The following PDCD11 variants were observed in gnomAD, a reference collection of about 807,000 sequenced individuals.
The protein encoded by PDCD11 is programmed cell death 11, also known as protein RRP5 homolog.
PDCD11 carries 97 observed loss-of-function variants against 198.9 expected under a neutral mutation model. The ratio of observed to expected loss-of-function variants is 0.49; its 90% confidence interval spans 0.41 to 0.58. The LOEUF is 0.58. Ranked by LOEUF, PDCD11 falls within the 20% of genes least tolerant of loss-of-function variation. The pLI, the probability that PDCD11 is intolerant of heterozygous loss-of-function variation, is 0.00. For missense variants in PDCD11, 2,102 were observed against 2,312.7 expected, an observed-to-expected ratio of 0.91 and a Z score of 1.87; for synonymous variants, 893 against 918.0, an observed-to-expected ratio of 0.97 and a Z score of 0.49.
In PDCD11 at chr10:103,413,235, A is replaced by G; in HGVS notation, c.1098A>G (p.Ala366=). 1.2e-6 allele frequency: 2 copies of G among 1,614,142 alleles called. No individual in the cohort carries two copies. The highest frequency in any genetic ancestry group is 1.1e-5 in the South Asian group (1 of 91,088). ...GACTCTCTTGCCAGAACCTTGGAGC[A>G]GTGCTGGATGATGTTCCTGTCCAGG... ...LTRLSCQNLG[A]VLDDVPVQGF... The change falls in exon 9 of 36, where the codon GCA becomes GCG. Residue 366 remains alanine (A), a synonymous_variant. Transcript: ENST00000369797.
chr10:103,440,582 G>T lies in PDCD11; in HGVS notation c.4440+1G>T, dbSNP rs1221044704. On this transcript the variant is annotated splice_donor_variant, in intron 29 of 35. Coordinates refer to ENST00000369797, the MANE Select transcript of PDCD11 (RefSeq NM_014976.2). LOFTEE classifies it high-confidence loss of function. ...GTGCCGGGAGTCTGGGAGTGAGCAG[G>T]TGAGGTCCTGCGGAGGGCTGTGGCT... The T allele has an allele frequency of 1.9e-6, 3 of 1,610,334 alleles. No homozygotes were observed. Among genetic ancestry groups the T allele is most frequent in the African/African-American group, 1.3e-5 (1 of 74,822 alleles).
chr10:103,445,621 G>GA lies in PDCD11; in HGVS notation c.*72_*73insA. 9 of 1,323,820 alleles carry GA rather than the reference G, an allele frequency of 6.8e-6. No homozygotes were observed. Among genetic ancestry groups the GA allele is most frequent in the Non-Finnish European group, 8.5e-6 (8 of 943,200 alleles). 82.0% of individuals were successfully genotyped at this position (1,323,820 alleles called of 1,614,324 possible). A position where few individuals can be genotyped will look rare whatever the true frequency, so the allele number is the denominator to read the frequency against. On this transcript the variant is annotated 3_prime_UTR_variant, in exon 36 of 36. Coordinates refer to ENST00000369797, the MANE Select transcript of PDCD11 (RefSeq NM_014976.2). ...CCCCGCCTCGAGTGCCTGGGCACTC[G>GA]GAAAACTGTTACCTCAGGACTCTAT...
Position 103,443,794 on chromosome 10 carries a change from C to T in PDCD11, c.5125-121C>T. ...CTCCTCTCAGGTCTCTAGCATTAGG[C>T]CCTGAGAGTGATTTGGTGTCTGGGA... On this transcript the variant is annotated intron_variant, in intron 33 of 35. Transcript: ENST00000369797. The T allele has an allele frequency of 5.2e-6, 5 of 965,154 alleles. No homozygotes were observed. The South Asian group carries it at 7.6e-5, about 15-fold the overall frequency. The allele number at this position is 965,154 out of a possible 1,614,324, so 59.8% of individuals were successfully genotyped here.
In PDCD11 at chr10:103,419,572, T is replaced by A. The variant is rs1487471697; in HGVS notation, c.2141T>A (p.Val714Glu). 5 of 1,614,110 alleles carry A rather than the reference T, an allele frequency of 3.1e-6. No homozygotes were observed. Among genetic ancestry groups the A allele is most frequent in the Non-Finnish European group, 4.2e-6 (5 of 1,180,000 alleles). Reference sequence around the variant, plus strand: ...AGGAAGCCAGCCTTGGTCTCCACAGTAGAAGGTGGCCAGGATCCCAAGAAC... The same window carrying A: ...AGGAAGCCAGCCTTGGTCTCCACAGAAGAAGGTGGCCAGGATCCCAAGAAC... ...LCRKPALVSTVEGGQDPKNFS... is the reference protein window; with the variant it reads ...LCRKPALVSTEEGGQDPKNFS... Residue 714 changes from valine (V) to glutamate (E), a missense_variant, in exon 16 of 36, where the codon GTA (valine) becomes GAA (glutamate). Transcript: ENST00000369797.
chr10:103,414,301 C>A lies in PDCD11; in HGVS notation c.1342C>A (p.His448Asn). The A allele has an allele frequency of 1.2e-6, 2 of 1,613,612 alleles. No homozygotes were observed. Among genetic ancestry groups the A allele is most frequent in the Non-Finnish European group, 1.7e-6 (2 of 1,179,522 alleles). ...TATTGAAGCTCAGTACCTTAGATAT[C>A]ATGACATCGAACCTGGGGCAGTGGT... ...SIIEAQYLRY[H>N]DIEPGAVVKG... is the part of the protein sequence containing the mutation. Residue 448 changes from histidine (H) to asparagine (N), a missense_variant, in exon 11 of 36, where the codon CAT becomes AAT. Transcript: ENST00000369797.
chr10:103,409,768 G>A lies in PDCD11; in HGVS notation c.940G>A (p.Asp314Asn), dbSNP rs201397125. The A allele has an allele frequency of 7.7e-5, 125 of 1,613,852 alleles. No homozygotes were observed. Among genetic ancestry groups the A allele is most frequent in the Non-Finnish European group, 1.0e-4 (120 of 1,179,908 alleles). Residue 314 changes from aspartate (D) to asparagine (N), a missense_variant, in exon 8 of 36, where the codon GAT (aspartate) becomes AAT (asparagine). Coordinates refer to ENST00000369797, the MANE Select transcript of PDCD11 (RefSeq NM_014976.2). The part of the protein sequence containing the change: ...FTGVVDFMHL[D>N]PKKAGTYFSN... ...GGGCGTGGTTGACTTTATGCACCTGGATCCCAAGAAAGCTGGAACATATTT... is the reference window on the plus strand; with the variant it reads ...GGGCGTGGTTGACTTTATGCACCTGAATCCCAAGAAAGCTGGAACATATTT...
At chr10:103,435,026 TA>T (rs565871296) in intron 25 of PDCD11, 51 bp downstream of exon 25, 94 of 1,283,544 alleles carry the variant, frequency 7.3e-5, no homozygotes, top group South Asian at 1.5e-4. Context: ...TTGGTATATT[TA>T]AAAAAAAACG....
At chr10:103,428,882 C>T (rs2031809360) in intron 21 of PDCD11, among the ~76,000 whole-genome samples, 1 of 152,124 alleles carries the variant, frequency 6.6e-6, no homozygotes, top group African/African-American at 2.4e-5. Flanking sequence ...GACAGATGGC[C>T]AGACACACTC....
chr10:103,414,036 G>A lies in PDCD11; in HGVS notation c.1256G>A (p.Cys419Tyr), dbSNP rs1369063492. Residue 419 changes from cysteine (C) to tyrosine (Y), a missense_variant, in exon 10 of 36, where the codon TGT becomes TAT. Cys to Tyr is a radical substitution (Grantham distance 194, BLOSUM62 -2). Coordinates refer to ENST00000369797, the MANE Select transcript of PDCD11 (RefSeq NM_014976.2). Reference protein sequence around the residue: ...EAFKPGNTHKCRIIDYSQMDE... With the variant: ...EAFKPGNTHKYRIIDYSQMDE... ...TTCAAGCCAGGGAACACTCACAAGT[G>A]TAGAATTATTGACTACAGCCAAATG... 4 of 1,613,652 alleles carry A rather than the reference G, an allele frequency of 2.5e-6. No homozygotes were observed. Among genetic ancestry groups the A allele is most frequent in the East Asian group, 2.2e-5 (1 of 44,876 alleles).
At chr10:103,437,959 T>C (rs2032219459) in intron 25 of PDCD11, 56 bp from the exon 26 acceptor site, 1 of 1,425,162 alleles carries the variant, frequency 7.0e-7, no homozygotes, top group African/African-American at 1.4e-5. Context: ...CTGAGACCCT[T>C]TGCTGTTCAC....
intron 22 of PDCD11, 29 bp downstream of exon 22, chr10:103,432,263 A>G (rs2031968504): frequency 1.4e-6 from 2 of 1,425,070 alleles, no homozygotes; most frequent in Non-Finnish European, 2.0e-6. Flanking sequence ...CGGCAATGAG[A>G]TGTCATTCTT....
In PDCD11 at chr10:103,406,732, A is replaced by T. The variant is rs1243201300; in HGVS notation, c.812A>T (p.Gln271Leu). 2 of 1,614,216 alleles carry T rather than the reference A, an allele frequency of 1.2e-6. No homozygotes were observed. The highest frequency in any genetic ancestry group is 2.2e-5 in the South Asian group (2 of 91,090). The change falls in exon 7 of 36, where the codon CAG (glutamine) becomes CTG (leucine). Residue 271 changes from glutamine to leucine, a missense_variant. Physicochemically the swap from Gln to Leu is moderately radical, Grantham distance 113 (BLOSUM62 -2). Coordinates refer to ENST00000369797, the MANE Select transcript of PDCD11 (RefSeq NM_014976.2). Reference protein sequence around the residue: ...EVSTAIATEQQSWNLNNLLPG... With the variant: ...EVSTAIATEQLSWNLNNLLPG... ...TCTACGGCCATTGCTACTGAACAGC[A>T]GAGCTGGAACCTTAATAACTTGCTA...
At chr10:103,405,266 C>T in intron 5 of PDCD11, 83 bp downstream of exon 5, 1 of 1,369,668 alleles carries the variant, frequency 7.3e-7, no homozygotes, top group Non-Finnish European at 1.0e-6. Context: ...CCACCTTTTA[C>T]TTTCAGCTCA....
chr10:103,444,476 C>T lies in PDCD11; in HGVS notation c.5279-41C>T, dbSNP rs375490774. The T allele has an allele frequency of 1.3e-5, 21 of 1,586,540 alleles. No individual in the cohort carries two copies. In the African/African-American group the frequency reaches 2.8e-4, roughly 21 times the overall value. On this transcript the variant is annotated intron_variant, in intron 34 of 35. Transcript: ENST00000369797. ...GGAACACTGTGTTGTGGTGAGGGGGCTGTCTGCTTGTTGGGTCTCTGAGCA... is the reference window on the plus strand; with the variant it reads ...GGAACACTGTGTTGTGGTGAGGGGGTTGTCTGCTTGTTGGGTCTCTGAGCA...
At chr10:103,430,652 A>C (rs1055468530) in intron 21 of PDCD11, among the ~76,000 whole-genome samples, 2 of 140,098 alleles carry the variant, frequency 1.4e-5, no homozygotes, top group African/African-American at 5.3e-5. Flanking sequence ...TTTTTTTTTT[A>C]ATAGTGGCCA....
intron 20 of PDCD11, among the ~76,000 whole-genome samples, chr10:103,426,928 C>CAA (rs1017044267): frequency 0.041 from 5,352 of 129,500 alleles, 135 homozygotes; most frequent in Non-Finnish European, 0.056. Flanking sequence ...CCCATCTCTA[C>CAA]AAAAAAAAAA....
Position 103,442,409 on chromosome 10 carries a change from T to G in PDCD11, c.4904T>G (p.Ile1635Ser). ...YMAFHLQATEIEKARAVAERA... is the reference protein window; with the variant it reads ...YMAFHLQATESEKARAVAERA... ...GCTTTCCACCTGCAGGCCACGGAGATCGAGAAGGCCCGTGCCGTGGCTGAG... is the reference window on the plus strand; with the variant it reads ...GCTTTCCACCTGCAGGCCACGGAGAGCGAGAAGGCCCGTGCCGTGGCTGAG... Residue 1635 changes from isoleucine to serine, a missense_variant, in exon 32 of 36, where the codon ATC becomes AGC. Coordinates refer to ENST00000369797, the MANE Select transcript of PDCD11 (RefSeq NM_014976.2). The G allele has an allele frequency of 6.2e-7, 1 of 1,614,192 alleles. No homozygotes were observed. The highest frequency in any genetic ancestry group is 8.5e-7 in the Non-Finnish European group (1 of 1,180,022).
chr10:103,421,621 A>G lies in PDCD11; in HGVS notation c.2497+54A>G. The G allele has an allele frequency of 7.3e-6, 10 of 1,366,684 alleles. No homozygotes were observed. The South Asian group carries it at 1.3e-4, about 17-fold the overall frequency. The allele number at this position is 1,366,684 out of a possible 1,614,324, so 84.7% of individuals were successfully genotyped here. A position where few individuals can be genotyped will look rare whatever the true frequency, so the allele number is the denominator to read the frequency against. The stretch of plus-strand genomic sequence containing the variant: ...GGCCAGGGGTGGGAGTATGTGTTGT[A>G]AATTACACCTGTTGTTAGGTGAGTT... On this transcript the variant is annotated intron_variant, in intron 17 of 35. Transcript: ENST00000369797.
intron 7 of PDCD11, 81 bp from the exon 8 acceptor site, chr10:103,409,618 G>T: frequency 1.1e-6 from 1 of 880,632 alleles, no homozygotes; most frequent in Non-Finnish European, 1.9e-6. Context: ...CTATGGCATT[G>T]AGTGTTTACT....
Sources: gnomAD v4.1 joint callset for allele counts (sites outside exome capture counted in the v4.1 genomes callset) on GRCh38, gnomAD v4.1.1 for gene constraint, MANE v1.5 for transcripts, NCBI Gene and HGNC (gene_info 2026-07-23, HGNC 2026-07-21) for gene names.